Variants in TRMT44 observed in about 807,000 individuals in gnomAD.
The protein encoded by TRMT44 is tRNA methyltransferase 44 homolog, also known as probable tRNA (uracil-O(2)-)-methyltransferase.
Under a neutral mutation model 77.3 loss-of-function variants are expected in TRMT44, and 78 were observed. That is an observed-to-expected ratio of 1.01 (90% confidence interval 0.84 to 1.22). The LOEUF is 1.22. Among genes scored for constraint, TRMT44 ranks in the 50% most tolerant of loss-of-function variants. The probability of loss-of-function intolerance (pLI) is 0.00; values close to 1 mark genes in which losing one functional copy is unlikely to be tolerated. For synonymous variants in TRMT44, 391 were observed against 383.3 expected (o/e 1.02, Z -0.23); for missense variants, 1,090 against 964.4 (o/e 1.13, Z -1.73).
At chr4:8,485,462 C>G (rs2109222440) in intron 2 of TRMT44, among the ~76,000 whole-genome samples, 1 of 152,240 alleles carries the variant, frequency 6.6e-6, no homozygotes, top group East Asian at 1.9e-4. Flanking sequence ...GAAGCCCATG[C>G]TGTAGCAGGT....
intron 10 of TRMT44, among the ~76,000 whole-genome samples, chr4:8,474,115 G>A (rs575197834): frequency 1.3e-5 from 2 of 152,056 alleles, no homozygotes; most frequent in East Asian, 1.9e-4. Flanking sequence ...AGGGGAATCT[G>A]TACTCAGCCT....
intron 9 of TRMT44, among the ~76,000 whole-genome samples, chr4:8,469,928 G>C (rs1191063428): frequency 1.3e-5 from 2 of 152,252 alleles, no homozygotes; most frequent in African/African-American, 4.8e-5. Flanking sequence ...CTGTCCCTGT[G>C]GGACACTGCT....
chr4:8,513,772 A>C, the TRMT44 span, among the ~76,000 whole-genome samples: 1 of 152,358 alleles, frequency 6.6e-6, no homozygotes, highest in East Asian at 1.9e-4. Context: ...ATCAATAAAC[A>C]TGGAAAGGTG....
rs1444021704 is a variant in TRMT44, at chr4:8,461,916, G to C, written c.1204-2069G>C. On this transcript the variant is annotated intron_variant, in intron 6 of 10. Transcript: ENST00000389737. The surrounding 1 kb of genome is among the most constrained non-coding windows in gnomAD (Gnocchi z 4.6). ...TCCACGAACAGGTACAATCTAGAAA[G>C]TCAAAGGCCAGGCGTAGAATATAAC... Among the ~76,000 whole-genome samples, 2 of 152,156 alleles carry C rather than the reference G, an allele frequency of 1.3e-5. No homozygotes were observed. The highest frequency in any genetic ancestry group is 2.9e-5 in the Non-Finnish European group (2 of 68,030).
chr4:8,460,177 C>T lies in TRMT44; in HGVS notation c.1204-3808C>T, dbSNP rs906269637. On this transcript the variant is annotated intron_variant, in intron 6 of 10. Coordinates refer to ENST00000389737, the MANE Select transcript of TRMT44 (RefSeq NM_152544.3). ...AAAGTCATGAGTAGCCCTCAGGAGC[C>T]GTCCTAGGACAGGTTATAGTATAGT... 3.9e-5 allele frequency among the ~76,000 whole-genome samples: 6 copies of T among 152,262 alleles called. 1 individual carries two copies. Among genetic ancestry groups the T allele is most frequent in the Admixed American group, 3.3e-4 (5 of 15,292 alleles).
the TRMT44 span, among the ~76,000 whole-genome samples, chr4:8,503,475 G>A: frequency 6.6e-6 from 1 of 152,206 alleles, no homozygotes; most frequent in Non-Finnish European, 1.5e-5. Flanking sequence ...CACCAGCAAG[G>A]GACACAGCAC....
chr4:8,463,475 A>G (rs1313320519), intron 6 of TRMT44, among the ~76,000 whole-genome samples: 1 of 152,172 alleles, frequency 6.6e-6, no homozygotes, highest in Non-Finnish European at 1.5e-5. Context: ...ATGGTAAAGA[A>G]TTTCGTGTAT....
intron 2 of TRMT44, among the ~76,000 whole-genome samples, chr4:8,486,687 T>C (rs1168326328): frequency 6.6e-6 from 1 of 152,060 alleles, no homozygotes; most frequent in Non-Finnish European, 1.5e-5. Context: ...CGCTATCTGA[T>C]TTGGGATAAA....
chr4:8,448,549 G>A (rs1725210710), intron 2 of TRMT44, among the ~76,000 whole-genome samples: 1 of 152,228 alleles, frequency 6.6e-6, no homozygotes, highest in African/African-American at 2.4e-5. Flanking sequence ...AGGGAAGAGC[G>A]AGGAACGCCC....
chr4:8,500,965 C>T, the TRMT44 span, among the ~76,000 whole-genome samples: 1 of 152,158 alleles, frequency 6.6e-6, no homozygotes, highest in African/African-American at 2.4e-5. Context: ...TGCTGGGACC[C>T]CCACCCTGTG....
At chr4:8,504,024 G>A in the TRMT44 span, among the ~76,000 whole-genome samples, 1,887 of 152,142 alleles carry the variant, frequency 0.012, 14 homozygotes, top group Middle Eastern at 0.054. This position sits in a 1 kb window ranked among gnomAD's most constrained non-coding sequence, Gnocchi z 5.3. Context: ...TGCAGTCCCC[G>A]CACCCGTCCA....
In TRMT44 at chr4:8,440,929, A is replaced by G. The variant is rs758445075; in HGVS notation, c.107A>G (p.Lys36Arg). The change falls in exon 1 of 11, where the codon AAA becomes AGA. Residue 36 changes from lysine (K) to arginine (R), a missense_variant. Lys to Arg is a conservative substitution (Grantham distance 26, BLOSUM62 2). Coordinates refer to ENST00000389737, the MANE Select transcript of TRMT44 (RefSeq NM_152544.3). Reference protein sequence around the residue: ...VWLERPQVANKRLCGARLEAR... With the variant: ...VWLERPQVANRRLCGARLEAR... ...CTGGAGAGGCCGCAGGTGGCAAACA[A>G]ACGGCTTTGCGGCGCCCGCCTGGAG... 266 of 1,530,206 alleles carry G rather than the reference A, an allele frequency of 1.7e-4. No individual in the cohort carries two copies. The highest frequency in any genetic ancestry group is 2.2e-4 in the Non-Finnish European group (249 of 1,145,476). 94.8% of individuals were successfully genotyped at this position (1,530,206 alleles called of 1,614,324 possible). A position where few individuals can be genotyped will look rare whatever the true frequency, so the allele number is the denominator to read the frequency against.
intron 2 of TRMT44, among the ~76,000 whole-genome samples, chr4:8,491,338 G>C (rs112849582): frequency 0.65 from 99,185 of 152,218 alleles, 33,139 homozygotes; most frequent in African/African-American, 0.81. Flanking sequence ...AGGAGCCCAG[G>C]TGGCTTCACC....
intron 10 of TRMT44, among the ~76,000 whole-genome samples, chr4:8,474,115 G>C (rs575197834): frequency 6.6e-6 from 1 of 151,938 alleles, no homozygotes; most frequent in Non-Finnish European, 1.5e-5. Context: ...AGGGGAATCT[G>C]TACTCAGCCT....
Position 8,457,046 on chromosome 4 carries a change from AAT to A in TRMT44, c.1203+2235_1203+2236del, listed in dbSNP as rs373865792. Among the ~76,000 whole-genome samples, 106 of 145,386 alleles carry A rather than the reference AAT, an allele frequency of 7.3e-4. 1 individual carries two copies. The highest frequency in any genetic ancestry group is 2.5e-3 in the African/African-American group (98 of 39,916). ...CCCCCCCCCAACTATCTCTACAAAAAATAAAACATTGTAAAAAGAAAATCATC... is the reference window on the plus strand; with the variant it reads ...CCCCCCCCCAACTATCTCTACAAAAAAAAACATTGTAAAAAGAAAATCATC... On this transcript the variant is annotated intron_variant, in intron 6 of 10. Coordinates refer to ENST00000389737, the MANE Select transcript of TRMT44 (RefSeq NM_152544.3).
rs1724687650 is a variant in TRMT44, at chr4:8,441,446, G to C, written c.619+5G>C. On this transcript the variant is annotated splice_donor_5th_base_variant and intron_variant, in intron 1 of 10. Transcript: ENST00000389737. ...GGAGGGAAATAGTCGTGCAAGGTAA[G>C]AGTGTTTTGATAGTGGACGGATATG... 6.7e-6 allele frequency: 10 copies of C among 1,500,686 alleles called. No individual in the cohort carries two copies. Among genetic ancestry groups the C allele is most frequent in the Non-Finnish European group, 8.0e-6 (9 of 1,124,356 alleles). 93.0% of individuals were successfully genotyped at this position (1,500,686 alleles called of 1,614,324 possible). A position where few individuals can be genotyped will look rare whatever the true frequency, so the allele number is the denominator to read the frequency against.
At chr4:8,447,560 T>C (rs1245779302) in intron 2 of TRMT44, among the ~76,000 whole-genome samples, 2 of 152,200 alleles carry the variant, frequency 1.3e-5, no homozygotes, top group African/African-American at 4.8e-5. Flanking sequence ...GGGGATGTGC[T>C]CTACCTCCTG....
At chr4:8,470,294 T>C (rs1202139487) in intron 9 of TRMT44, among the ~76,000 whole-genome samples, 1 of 151,328 alleles carries the variant, frequency 6.6e-6, no homozygotes, top group East Asian at 2.0e-4. Context: ...GGGTCAGGAG[T>C]GTGGTGTCCT....
In TRMT44 at chr4:8,465,298, GC is replaced by G. The variant is rs1285476296; in HGVS notation, c.1311-78del. ...CCCTATTTTGCCCTGATATGCGATT[GC>G]CGTGTGGCTTTGTTCCGAATTTCCT... On this transcript the variant is annotated intron_variant, in intron 7 of 10. Coordinates refer to ENST00000389737, the MANE Select transcript of TRMT44 (RefSeq NM_152544.3). The G allele has an allele frequency of 1.1e-5, 16 of 1,394,842 alleles. No individual in the cohort carries two copies. The African/African-American group carries it at 2.0e-4, about 18-fold the overall frequency. The allele number at this position is 1,394,842 out of a possible 1,614,324, so 86.4% of individuals were successfully genotyped here.
Sources: gnomAD v4.1 joint callset for allele counts (sites outside exome capture counted in the v4.1 genomes callset) on GRCh38, gnomAD v4.1.1 for gene constraint, Gnocchi (gnomAD v3.1) non-coding constraint, MANE v1.5 for transcripts, NCBI Gene and HGNC (gene_info 2026-07-23, HGNC 2026-07-21) for gene names.